RETSAT: variants seen among roughly 807,000 people sequenced by gnomAD.
The protein encoded by RETSAT is all-trans-retinol 13,14-reductase.
RETSAT carries 35 observed loss-of-function variants against 61.6 expected under a neutral mutation model. That is an observed-to-expected ratio of 0.57 (90% confidence interval 0.43 to 0.75). The LOEUF is 0.75. RETSAT is among the 30% of genes least tolerant of loss of function. The probability of loss-of-function intolerance (pLI) is 0.00; values close to 1 mark genes in which losing one functional copy is unlikely to be tolerated. For synonymous variants in RETSAT, 277 were observed against 310.4 expected, an observed-to-expected ratio of 0.89 and a Z score of 1.13; for missense variants, 670 against 759.5, an observed-to-expected ratio of 0.88 and a Z score of 1.38.
Position 85,350,979 on chromosome 2 carries a change from C to T in RETSAT, c.398G>A (p.Arg133His), listed in dbSNP as rs144913960. 1.4e-4 allele frequency: 228 copies of T among 1,614,132 alleles called. 1 individual carries two copies. The African/African-American group carries it at 2.3e-3, about 16-fold the overall frequency. The change falls in exon 3 of 11, where the codon CGT becomes CAT. Residue 133 changes from arginine (R) to histidine (H), a missense_variant. Physicochemically the swap from Arg to His is conservative, Grantham distance 29 (BLOSUM62 0). Coordinates refer to ENST00000295802, the MANE Select transcript of RETSAT (RefSeq NM_017750.4). ...IGRMEEGSIG[R>H]FILDQITEGQ... is the part of the protein sequence containing the mutation. ...TTCAGTGATCTGGTCCAAGATAAAA[C>T]GGCCAATGCTGCCCTCTTCCATACG...
In RETSAT at chr2:85,351,823, AC is replaced by A. The variant is rs762408913; in HGVS notation, c.211del (p.Val71TrpfsTer2). On this transcript the variant is annotated frameshift_variant, in exon 2 of 11. Coordinates refer to ENST00000295802, the MANE Select transcript of RETSAT (RefSeq NM_017750.4). LOFTEE classifies it high-confidence loss of function. ...ANQVPEKLDV[V>X]VIGSGFGGLA... ...GCCCCCAAAGCCACTGCCAATTACC[AC>A]CACATCCAGCTTCTCCGGCACTTGG... The A allele has an allele frequency of 9.3e-6, 15 of 1,614,138 alleles. No homozygotes were observed. The African/African-American group carries it at 2.0e-4, about 22-fold the overall frequency.
chr2:85,343,669 G>A lies in RETSAT; in HGVS notation c.1663C>T (p.Gln555Ter), dbSNP rs147635986. The A allele has an allele frequency of 2.5e-6, 4 of 1,613,886 alleles. No homozygotes were observed. In the African/African-American group the frequency reaches 5.3e-5, roughly 22 times the overall value. Residue 555 changes from glutamine (Q) to a stop codon, truncating the protein, a stop_gained, in exon 10 of 11, where the codon CAG (glutamine) becomes TAG (stop). Transcript: ENST00000295802. LOFTEE classifies it high-confidence loss of function. ...HPCVMASLRA[Q>*]SPIPNLYLTG... ...AGATAGAGGTTGGGGATGGGGCTCTGGGCCCTCAAGGAGGCCATCACACAA... is the reference window on the plus strand; with the variant it reads ...AGATAGAGGTTGGGGATGGGGCTCTAGGCCCTCAAGGAGGCCATCACACAA...
intron 5 of RETSAT, among the ~76,000 whole-genome samples, chr2:85,348,442 AAC>A (rs1405477643): frequency 5.2e-4 from 79 of 151,994 alleles, no homozygotes; most frequent in African/African-American, 1.8e-3. Flanking sequence ...CATCCTGGCT[AAC>A]ACATGGTGAA....
At position 85,345,941 on chromosome 2, in the gene RETSAT, C is replaced by A. The variant is rs767093413; in HGVS notation, c.1117+34G>T. ...CTCCAGAAGGGGACACATTGGGGAA[C>A]CTGCAAGAGGGGCAGTGCAGACCCG... On this transcript the variant is annotated intron_variant, in intron 6 of 10. Transcript: ENST00000295802. 27 of 1,613,854 alleles carry A rather than the reference C, an allele frequency of 1.7e-5. No homozygotes were observed. The South Asian group carries it at 1.8e-4, about 10-fold the overall frequency.
intron 1 of RETSAT, among the ~76,000 whole-genome samples, chr2:85,352,415 T>C (rs1049664782): frequency 7.9e-5 from 12 of 152,186 alleles, no homozygotes; most frequent in African/African-American, 2.9e-4. Flanking sequence ...GGCTAATTTT[T>C]TTTTTTAATA....
chr2:85,348,034 C>T (rs756756563), intron 5 of RETSAT, among the ~76,000 whole-genome samples: 1 of 152,126 alleles, frequency 6.6e-6, no homozygotes, highest in Non-Finnish European at 1.5e-5. Flanking sequence ...CTTTAAGCAC[C>T]CATTAGTCAT....
intron 1 of RETSAT, among the ~76,000 whole-genome samples, chr2:85,353,704 T>C (rs1425584734): frequency 6.6e-6 from 1 of 152,182 alleles, no homozygotes; most frequent in Non-Finnish European, 1.5e-5. Flanking sequence ...AATTTACAAG[T>C]GAGAGGGACT....
rs1261515541 is a variant in RETSAT at position 85,344,677 on chromosome 2, G to A, written c.1173C>T (p.Phe391=). The A allele has an allele frequency of 3.1e-6, 5 of 1,614,168 alleles. No individual in the cohort carries two copies. In the Middle Eastern group the frequency reaches 4.9e-4, roughly 160 times the overall value. The change falls in exon 7 of 11, where the codon TTC becomes TTT. Residue 391 remains phenylalanine (F), a synonymous_variant. Coordinates refer to ENST00000295802, the MANE Select transcript of RETSAT (RefSeq NM_017750.4). ...VRPGLGMTSV[F]ICLRGTKEDL... ...CTTCCTTGGTGCCTCGCAGGCAGAT[G>A]AAAACAGAGGTCATGCCTAAGCCGG... is the stretch of plus-strand genomic sequence containing the variant.
Position 85,354,422 on chromosome 2 carries a change from G to T in RETSAT, c.86C>A (p.Ser29Tyr). 3 of 1,614,182 alleles carry T rather than the reference G, an allele frequency of 1.9e-6. No homozygotes were observed. The highest frequency in any genetic ancestry group is 1.6e-4 in the Middle Eastern group (1 of 6,062). The change falls in exon 1 of 11, where the codon TCC becomes TAC. Residue 29 changes from serine (S) to tyrosine (Y), a missense_variant. Coordinates refer to ENST00000295802, the MANE Select transcript of RETSAT (RefSeq NM_017750.4). ...GACATCTTCGGAGAAAGGATTCGGG[G>T]AGCTGCCAGAGAATAGTCCCAAGTA... ...KVYLGLFSGSSPNPFSEDVKR... is the reference protein window; with the variant it reads ...KVYLGLFSGSYPNPFSEDVKR...
intron 5 of RETSAT, among the ~76,000 whole-genome samples, chr2:85,348,290 T>C (rs1407765759): frequency 1.3e-5 from 2 of 152,118 alleles, no homozygotes; most frequent in East Asian, 1.9e-4. Flanking sequence ...GCCTCTAATA[T>C]GTGCTAAGAT....
chr2:85,352,627 C>T (rs1337066066), intron 1 of RETSAT, among the ~76,000 whole-genome samples: 1 of 152,158 alleles, frequency 6.6e-6, no homozygotes, highest in Middle Eastern at 3.2e-3. Context: ...AGTGATCCAC[C>T]CACCTCGGCC....
At chr2:85,345,458 TGCTCTCCA>T (rs948534103) in intron 6 of RETSAT, 1 of 274,892 alleles carries the variant, frequency 3.6e-6, no homozygotes, top group African/African-American at 2.2e-5. Context: ...AGCTACTCCA[TGCTCTCCA>T]GCTCCCGCCC....
intron 7 of RETSAT, 103 bp downstream of exon 7, chr2:85,344,491 A>G: frequency 2.6e-6 from 4 of 1,557,586 alleles, no homozygotes; most frequent in Non-Finnish European, 2.6e-6. Flanking sequence ...TCCAGGAGCA[A>G]ATTAGAAATT....
chr2:85,348,712 G>C (rs868437464), intron 5 of RETSAT, among the ~76,000 whole-genome samples: 13 of 149,744 alleles, frequency 8.7e-5, no homozygotes, highest in Middle Eastern at 3.5e-3. Context: ...AATAAATACT[G>C]TTCTTTGGGG....
intron 6 of RETSAT, 105 bp from the exon 7 acceptor site, chr2:85,344,837 A>C: frequency 7.6e-7 from 1 of 1,315,526 alleles, no homozygotes; most frequent in Admixed American, 2.6e-5. Context: ...TGCCTGAGGC[A>C]TGCCGGGCCC....
At chr2:85,345,914 G>A (rs770350918) in intron 6 of RETSAT, 61 bp downstream of exon 6, 3 of 1,610,974 alleles carry the variant, frequency 1.9e-6, no homozygotes, top group Non-Finnish European at 1.7e-6. Flanking sequence ...GGAGCAGGTT[G>A]GCTCCAGAAG....
chr2:85,342,084 TA>T lies in RETSAT; in HGVS notation c.*1157del, dbSNP rs1683099405. ...TGTTTTCTTGAACAAAAAACCAAAA[TA>T]AATTTCAAATGTTAAAGCAATGGAA... On this transcript the variant is annotated 3_prime_UTR_variant, in exon 11 of 11. Coordinates refer to ENST00000295802, the MANE Select transcript of RETSAT (RefSeq NM_017750.4). The T allele has an allele frequency of 2.7e-6, 1 of 374,328 alleles. No individual in the cohort carries two copies. Among genetic ancestry groups the T allele is most frequent in the Non-Finnish European group, 4.8e-6 (1 of 209,286 alleles). The allele number at this position is 374,328 out of a possible 1,614,324, so 23.2% of individuals were successfully genotyped here. A position where few individuals can be genotyped will look rare whatever the true frequency, so the allele number is the denominator to read the frequency against.
Position 85,350,806 on chromosome 2 carries a change from T to C in RETSAT, c.571A>G (p.Ile191Val). ...KEKFPQEEAI[I>V]DKYIKLVKVV... ...TTAACCAGCTTTATATACTTGTCAA[T>C]GATAGCTTCCTCCTGTGGAAACTTC... The change falls in exon 3 of 11, where the codon ATT becomes GTT. Residue 191 changes from isoleucine (I) to valine (V), a missense_variant. By Grantham distance (29) the Ile-to-Val change is conservative. Coordinates refer to ENST00000295802, the MANE Select transcript of RETSAT (RefSeq NM_017750.4). The C allele has an allele frequency of 6.2e-7, 1 of 1,614,228 alleles. No homozygotes were observed. The highest frequency in any genetic ancestry group is 8.5e-7 in the Non-Finnish European group (1 of 1,180,032).
chr2:85,344,426 C>G (rs1450971250), intron 7 of RETSAT, 78 bp from the exon 8 acceptor site: 3 of 1,542,290 alleles, frequency 1.9e-6, no homozygotes, highest in Non-Finnish European at 2.7e-6. Context: ...GACTGCTTAT[C>G]CCTAGGGACT....
Sources: allele counts gnomAD v4.1 joint callset (sites outside exome capture counted in the v4.1 genomes callset), GRCh38; gene constraint gnomAD v4.1.1; transcripts MANE v1.5; gene names NCBI Gene and HGNC (gene_info 2026-07-23, HGNC 2026-07-21).